Variants in TANC2 observed in about 807,000 individuals in gnomAD.
TANC2 encodes the protein tetratricopeptide repeat, ankyrin repeat and coiled-coil containing 2, also known as protein TANC2.
Under a neutral mutation model 210.5 loss-of-function variants are expected in TANC2, and 26 were observed. The ratio of observed to expected loss-of-function variants is 0.12; its 90% confidence interval spans 0.09 to 0.17. TANC2 has a LOEUF of 0.17. Among genes scored for constraint, TANC2 ranks in the 10% least tolerant of loss-of-function variants. The probability of loss-of-function intolerance (pLI) is 1.00; values close to 1 mark genes in which losing one functional copy is unlikely to be tolerated. For missense variants in TANC2, 2,129 were observed against 2,608.9 expected, an observed-to-expected ratio of 0.82 and a Z score of 4.01; for synonymous variants, 931 against 967.1, an observed-to-expected ratio of 0.96 and a Z score of 0.69.
intron 12 of TANC2, among the ~76,000 whole-genome samples, chr17:63,345,346 G>A (rs2046365352): frequency 6.6e-6 from 1 of 152,160 alleles, no homozygotes; most frequent in Admixed American, 6.5e-5. Flanking sequence ...CTGGCTGGTT[G>A]CAGTGGCTCA....
intron 5 of TANC2, among the ~76,000 whole-genome samples, chr17:63,184,280 A>T (rs924982190): frequency 1.1e-4 from 17 of 152,208 alleles, no homozygotes; most frequent in South Asian, 8.3e-4. Flanking sequence ...TATAGCTTAA[A>T]TATGTAGTGT....
intron 4 of TANC2, among the ~76,000 whole-genome samples, chr17:63,143,105 T>C (rs1021633909): frequency 1.3e-5 from 2 of 152,234 alleles, no homozygotes; most frequent in Non-Finnish European, 2.9e-5. Flanking sequence ...GAACAGCTCA[T>C]ATGTTTTATG....
At chr17:63,166,452 G>A (rs1379177348) in intron 5 of TANC2, among the ~76,000 whole-genome samples, 2 of 152,150 alleles carry the variant, frequency 1.3e-5, no homozygotes, top group African/African-American at 4.8e-5. Context: ...AGGAACAAAG[G>A]CAAATAGTTA....
At chr17:63,065,468 A>T (rs1205569740) in intron 2 of TANC2, among the ~76,000 whole-genome samples, 2 of 152,212 alleles carry the variant, frequency 1.3e-5, no homozygotes, top group Non-Finnish European at 2.9e-5. Flanking sequence ...TTTATTTTAA[A>T]ATTTTTAAGG....
At chr17:63,354,877 A>C in exon 14 of TANC2, 1 of 1,613,838 alleles carries the variant, frequency 6.2e-7, no homozygotes, top group Non-Finnish European at 8.5e-7. Flanking sequence ...TACATCCTGC[A>C]CCGGATACAC....
intron 1 of TANC2, among the ~76,000 whole-genome samples, chr17:63,003,074 T>G (rs2033460405): frequency 6.6e-6 from 1 of 152,206 alleles, no homozygotes; most frequent in Non-Finnish European, 1.5e-5. Flanking sequence ...CATTTTATAC[T>G]CCTAAAATAG....
intron 1 of TANC2, among the ~76,000 whole-genome samples, chr17:62,988,295 C>CTTTT (rs59386058): frequency 8.9e-5 from 10 of 111,734 alleles, no homozygotes; most frequent in South Asian, 3.1e-4. Context: ...ACCTGGCTAA[C>CTTTT]TTTTTTTTTT....
At chr17:63,379,421 A>G (rs2147077208) in intron 14 of TANC2, among the ~76,000 whole-genome samples, 1 of 152,298 alleles carries the variant, frequency 6.6e-6, no homozygotes, top group Non-Finnish European at 1.5e-5. Context: ...GCAGCAGCTC[A>G]TGCCTTTGGA....
chr17:63,024,398 T>C (rs889674043), intron 2 of TANC2, among the ~76,000 whole-genome samples: 1 of 152,220 alleles, frequency 6.6e-6, no homozygotes, highest in South Asian at 2.1e-4. Context: ...ATTCGTAAAC[T>C]GTCTTGGCAC....
chr17:63,383,721 G>C (rs2047685370), intron 15 of TANC2, among the ~76,000 whole-genome samples: 1 of 152,280 alleles, frequency 6.6e-6, no homozygotes, highest in Non-Finnish European at 1.5e-5. Context: ...TTGAGTAAAT[G>C]CCTTAGTAGT....
chr17:63,389,639 T>G (rs1165936060), intron 17 of TANC2, 95 bp downstream of exon 17: 1 of 1,220,342 alleles, frequency 8.2e-7, no homozygotes, highest in Non-Finnish European at 1.2e-6. Flanking sequence ...TGAGTCTGGG[T>G]AGAGTATATC....
At chr17:63,197,081 A>G (rs2041370049) in intron 6 of TANC2, among the ~76,000 whole-genome samples, 1 of 152,190 alleles carries the variant, frequency 6.6e-6, no homozygotes, top group African/African-American at 2.4e-5. Context: ...ATGTCATATA[A>G]ATAAAAAGTA....
chr17:63,355,333 G>A (rs1234920001), exon 14 of TANC2: 13 of 1,609,798 alleles, frequency 8.1e-6, no homozygotes, highest in African/African-American at 5.3e-5. Flanking sequence ...CCTTCTTTTC[G>A]AGAATGGCTT....
chr17:63,071,207 G>A (rs2036384301), intron 2 of TANC2, among the ~76,000 whole-genome samples: 1 of 152,108 alleles, frequency 6.6e-6, no homozygotes, highest in South Asian at 2.1e-4. Context: ...TAGATGTGGG[G>A]AATAGATGCA....
intron 8 of TANC2, among the ~76,000 whole-genome samples, chr17:63,243,064 C>G (rs898742174): frequency 2.6e-5 from 4 of 152,140 alleles, no homozygotes; most frequent in Non-Finnish European, 5.9e-5. Flanking sequence ...GAGTAAAAAA[C>G]TGTCTTTGAT....
chr17:63,420,764 C>G lies in TANC2; in HGVS notation c.5034C>G (p.Leu1678=). The change falls in exon 28 of 28, where the codon CTC becomes CTG. Residue 1678 remains leucine, a synonymous_variant. Transcript: ENST00000689528. This position sits in a 1 kb window ranked among gnomAD's most constrained non-coding sequence, Gnocchi z 4.2. ...AGCGGCCCTACCAGATGCCTCAGCT[C>G]CCTGTGGCAGTTCCCCAGCAAGGGC... The G allele has an allele frequency of 6.2e-7, 1 of 1,614,048 alleles. No homozygotes were observed. Among genetic ancestry groups the G allele is most frequent in the Non-Finnish European group, 8.5e-7 (1 of 1,179,904 alleles).
At chr17:62,983,177 T>C (rs971197560) in intron 1 of TANC2, among the ~76,000 whole-genome samples, 4 of 152,100 alleles carry the variant, frequency 2.6e-5, no homozygotes, top group African/African-American at 9.6e-5. Flanking sequence ...CTCAGTTAAA[T>C]TTCTTTCTAA....
intron 19 of TANC2, among the ~76,000 whole-genome samples, chr17:63,403,617 C>A (rs976338395): frequency 6.6e-6 from 1 of 152,120 alleles, no homozygotes; most frequent in Non-Finnish European, 1.5e-5. Flanking sequence ...ATGGAAATGA[C>A]CCTCACCTCA....
intron 14 of TANC2, among the ~76,000 whole-genome samples, chr17:63,365,416 T>G (rs1413898225): frequency 6.6e-6 from 1 of 152,186 alleles, no homozygotes; most frequent in Non-Finnish European, 1.5e-5. Flanking sequence ...TCCTGGGATC[T>G]CACATGGATT....
Sources: gnomAD v4.1 joint callset for allele counts (sites outside exome capture counted in the v4.1 genomes callset) on GRCh38, gnomAD v4.1.1 for gene constraint, Gnocchi (gnomAD v3.1) non-coding constraint, MANE v1.5 for transcripts, NCBI Gene and HGNC (gene_info 2026-07-23, HGNC 2026-07-21) for gene names.